PSPC1: variants seen among roughly 807,000 people sequenced by gnomAD.
PSPC1 encodes the protein paraspeckle component 1, also known as paraspeckle protein 1.
In PSPC1, 14 loss-of-function variants were observed where a neutral mutation model predicts 51.6. The ratio of observed to expected loss-of-function variants is 0.27; its 90% CI spans 0.18 to 0.42. The LOEUF is 0.42. Among genes scored for constraint, PSPC1 ranks in the 10% least tolerant of loss-of-function variants. The pLI, the probability that PSPC1 is intolerant of heterozygous loss-of-function variation, is 1.00. For missense variants in PSPC1, 406 were observed against 701.1 expected (o/e 0.58, Z 4.75); for synonymous variants, 193 against 231.9 (o/e 0.83, Z 1.53).
At chr13:19,741,699 T>C (rs1328300028) in intron 4 of PSPC1, 50 bp from the exon 5 acceptor site, 1 of 1,227,330 alleles carries the variant, frequency 8.1e-7, no homozygotes, top group African/African-American at 1.5e-5. Context: ...CTTTCCATAT[T>C]TTTATACCAA....
intron 5 of PSPC1, among the ~76,000 whole-genome samples, chr13:19,734,025 G>C (rs1884464932): frequency 1.3e-5 from 2 of 152,098 alleles, no homozygotes; most frequent in Admixed American, 1.3e-4. Context: ...CATTGGAAAT[G>C]ATTAGGGGAA....
chr13:19,741,519 T>C (rs746544061), intron 5 of PSPC1, 46 bp downstream of exon 5: 7 of 1,357,262 alleles, frequency 5.2e-6, no homozygotes, highest in Middle Eastern at 1.8e-4. Context: ...GGAGTTTTTA[T>C]TAATAAGACA....
intron 2 of PSPC1, among the ~76,000 whole-genome samples, chr13:19,766,949 G>A (rs1472143708): frequency 6.6e-6 from 1 of 151,204 alleles, no homozygotes; most frequent in African/African-American, 2.4e-5. Context: ...TGAGACAGGT[G>A]GATTGCTTGA....
At chr13:19,727,252 G>T (rs1294634985) in intron 6 of PSPC1, among the ~76,000 whole-genome samples, 2 of 152,062 alleles carry the variant, frequency 1.3e-5, no homozygotes, top group Non-Finnish European at 2.9e-5. Context: ...AAATTAGCTG[G>T]GCATGGTGGC....
intron 6 of PSPC1, among the ~76,000 whole-genome samples, chr13:19,711,515 G>A (rs982491035): frequency 9.2e-5 from 14 of 151,970 alleles, no homozygotes; most frequent in South Asian, 4.1e-4. Flanking sequence ...GCAGGCGCCC[G>A]TAGTCCCAAC....
intron 6 of PSPC1, among the ~76,000 whole-genome samples, chr13:19,693,050 A>T (rs2137656864): frequency 6.6e-6 from 1 of 152,260 alleles, no homozygotes; most frequent in East Asian, 1.9e-4. Context: ...CTTAACAGTG[A>T]TCAATTATAA....
At chr13:19,753,408 G>A (rs1248671660) in intron 3 of PSPC1, among the ~76,000 whole-genome samples, 1 of 151,478 alleles carries the variant, frequency 6.6e-6, no homozygotes, top group East Asian at 2.0e-4. Context: ...GCTAATTTTT[G>A]TATTTTTTGT....
At chr13:19,731,867 A>G (rs1254608271) in intron 5 of PSPC1, among the ~76,000 whole-genome samples, 1 of 152,196 alleles carries the variant, frequency 6.6e-6, no homozygotes, top group Non-Finnish European at 1.5e-5. Flanking sequence ...CATAATGGAT[A>G]CTCAAGGTGT....
At position 19,739,766 on chromosome 13, in the gene PSPC1, G is replaced by A. The variant is rs1228990855; in HGVS notation, c.1052+1799C>T. ...CTCCAAAATAAAATTTAAAAAAAAA[G>A]TAGAAGAGATTTGAACATGTCTATA... On this transcript the variant is annotated intron_variant, in intron 5 of 8. Coordinates refer to ENST00000338910, the MANE Select transcript of PSPC1 (RefSeq NM_001354909.2). 2.7e-5 allele frequency among the ~76,000 whole-genome samples: 4 copies of A among 150,074 alleles called. No homozygotes were observed. In the South Asian group the frequency reaches 8.6e-4, roughly 32 times the overall value.
At chr13:19,781,848 G>A (rs550797932) in intron 1 of PSPC1, among the ~76,000 whole-genome samples, 2 of 152,330 alleles carry the variant, frequency 1.3e-5, no homozygotes, top group Admixed American at 6.5e-5. Context: ...TGTGGTTGAA[G>A]CCAAGGATGG....
intron 6 of PSPC1, among the ~76,000 whole-genome samples, chr13:19,679,780 A>G (rs1194059159): frequency 6.6e-6 from 1 of 152,188 alleles, no homozygotes; most frequent in Admixed American, 6.5e-5. Context: ...ACAACTGTTT[A>G]TGCCTTTGGT....
downstream of PSPC1, among the ~76,000 whole-genome samples, chr13:19,702,086 T>G (rs1381992864): frequency 7.6e-6 from 1 of 130,970 alleles, no homozygotes; most frequent in East Asian, 2.2e-4. Flanking sequence ...AAATCACCTC[T>G]TGAACTGTAC....
intron 2 of PSPC1, among the ~76,000 whole-genome samples, chr13:19,762,651 C>T (rs1279636401): frequency 1.3e-5 from 2 of 152,192 alleles, no homozygotes; most frequent in Non-Finnish European, 1.5e-5. Context: ...AAGGGAATTA[C>T]TTAAGGGACT....
intron 4 of PSPC1, among the ~76,000 whole-genome samples, chr13:19,743,498 A>T (rs1330351077): frequency 6.6e-6 from 1 of 152,252 alleles, no homozygotes; most frequent in East Asian, 1.9e-4. Context: ...AAAAGGATTC[A>T]GACAGATTAT....
At chr13:19,715,514 T>A (rs1881984874) in intron 6 of PSPC1, among the ~76,000 whole-genome samples, 2 of 152,174 alleles carry the variant, frequency 1.3e-5, no homozygotes, top group Admixed American at 6.6e-5. Context: ...ACCAACACGA[T>A]GCCCAAAGTG....
intron 5 of PSPC1, among the ~76,000 whole-genome samples, chr13:19,739,977 G>A (rs1885266867): frequency 6.6e-6 from 1 of 152,050 alleles, no homozygotes; most frequent in Non-Finnish European, 1.5e-5. Flanking sequence ...GTTCTGCAGG[G>A]AGGCTTGAGA....
chr13:19,768,605 G>A (rs1374448431), intron 2 of PSPC1, among the ~76,000 whole-genome samples: 1 of 150,386 alleles, frequency 6.6e-6, no homozygotes, highest in South Asian at 2.1e-4. Flanking sequence ...CCGAGATCAC[G>A]CCACTGCACT....
chr13:19,727,045 G>A (rs183932435), intron 6 of PSPC1, among the ~76,000 whole-genome samples: 1 of 152,318 alleles, frequency 6.6e-6, no homozygotes, highest in East Asian at 1.9e-4. Flanking sequence ...AGGGTATGAA[G>A]AATTATTCTT....
At chr13:19,770,056 T>C (rs201609122) in intron 2 of PSPC1, among the ~76,000 whole-genome samples, 2 of 27,094 alleles carry the variant, frequency 7.4e-5, no homozygotes, top group Non-Finnish European at 2.6e-4. Flanking sequence ...GGACAAAACA[T>C]AGTTATGTCC....
Sources: allele counts gnomAD v4.1 joint callset (sites outside exome capture counted in the v4.1 genomes callset), GRCh38; gene constraint gnomAD v4.1.1; transcripts MANE v1.5; gene names NCBI Gene and HGNC (gene_info 2026-07-23, HGNC 2026-07-21).